Variants in NPAS2 observed in about 807,000 individuals in gnomAD.
NPAS2 encodes neuronal PAS domain protein 2.
A neutral mutation model predicts 107.5 loss-of-function variants in NPAS2; 23 were observed. The observed-to-expected ratio is 0.21, with a 90% CI of 0.15 to 0.30. NPAS2 has a LOEUF of 0.30. Ranked by LOEUF, NPAS2 falls within the 10% of genes least tolerant of loss-of-function variation. The probability of loss-of-function intolerance (pLI) is 1.00; values close to 1 mark genes in which losing one functional copy is unlikely to be tolerated. For missense variants in NPAS2, 756 were observed against 1,043.3 expected, an observed-to-expected ratio of 0.72 and a Z score of 3.79; for synonymous variants, 403 against 417.5, an observed-to-expected ratio of 0.97 and a Z score of 0.42.
chr2:100,985,706 T>G (rs1677740809), intron 16 of NPAS2: 1 of 152,236 alleles, frequency 6.6e-6, no homozygotes, highest in African/African-American at 2.4e-5. Flanking sequence ...TCTCAGGTCA[T>G]TTATATGCAT....
intron 2 of NPAS2, among the ~76,000 whole-genome samples, chr2:100,907,134 C>G (rs1016676674): frequency 8.5e-5 from 13 of 152,148 alleles, no homozygotes; most frequent in African/African-American, 3.1e-4. Flanking sequence ...ATCCCTGCCT[C>G]TCTCCTGCAC....
intron 16 of NPAS2, 50 bp from the exon 17 acceptor site, chr2:100,988,029 G>T: frequency 6.3e-7 from 1 of 1,595,534 alleles, no homozygotes. Context: ...GTGCACACTG[G>T]TGAGGTACCC....
chr2:100,852,124 C>T lies in NPAS2; in HGVS notation c.-23+31710C>T, dbSNP rs185927460. ...GCAAATAAAAGTTTTTGGCCGGGCA[C>T]GGTGGCTCCTGCCTGTAATCCCAGC... On this transcript the variant is annotated intron_variant, in intron 1 of 20. Coordinates refer to ENST00000335681, the MANE Select transcript of NPAS2 (RefSeq NM_002518.4). 6.4e-4 allele frequency among the ~76,000 whole-genome samples: 97 copies of T among 152,242 alleles called. No individual in the cohort carries two copies. The East Asian group carries it at 0.01, about 16-fold the overall frequency.
intron 7 of NPAS2, among the ~76,000 whole-genome samples, chr2:100,955,984 A>G (rs1675545847): frequency 6.6e-6 from 1 of 152,012 alleles, no homozygotes; most frequent in Non-Finnish European, 1.5e-5. Context: ...GGTTCGCTGT[A>G]GCCACCACCT....
At chr2:100,952,927 T>C (rs947661935) in intron 7 of NPAS2, among the ~76,000 whole-genome samples, 1 of 147,148 alleles carries the variant, frequency 6.8e-6, no homozygotes, top group African/African-American at 2.5e-5. Context: ...AAAGAAAGAG[T>C]GCGGAGTGTC....
chr2:100,948,712 T>C (rs1675048539), intron 6 of NPAS2, among the ~76,000 whole-genome samples: 1 of 152,214 alleles, frequency 6.6e-6, no homozygotes, highest in Admixed American at 6.5e-5. Flanking sequence ...AGATACTAAA[T>C]TCATATAATA....
chr2:100,904,508 A>AC, intron 1 of NPAS2, among the ~76,000 whole-genome samples: 1 of 30,906 alleles, frequency 3.2e-5, no homozygotes, highest in East Asian at 3.5e-4. Flanking sequence ...ATGCCCAATG[A>AC]AAGAGTGCCT....
rs1431528546 is a variant in NPAS2, at chr2:100,856,533, GAA to G, written c.-23+36122_-23+36123del. 3.3e-5 allele frequency among the ~76,000 whole-genome samples: 5 copies of G among 152,260 alleles called. No individual in the cohort carries two copies. The East Asian group carries it at 9.7e-4, about 29-fold the overall frequency. On this transcript the variant is annotated intron_variant, in intron 1 of 20. Transcript: ENST00000335681. ...TAGTAAAGACTCAGGGTAAAGAAAA[GAA>G]AATATTTTTCATTCAGACTTTGAAA...
Position 100,964,051 on chromosome 2 carries a change from C to T in NPAS2, c.599-7C>T, listed in dbSNP as rs2105150681. 2 of 1,592,614 alleles carry T rather than the reference C, an allele frequency of 1.3e-6. No individual in the cohort carries two copies. The highest frequency in any genetic ancestry group is 1.1e-5 in the South Asian group (1 of 90,626). ...ACCTATGTGTCCTCTTCTTCCCAAC[C>T]CCCCAGTGCCTAGCCCCTCCTGTAA... On this transcript the variant is annotated splice_polypyrimidine_tract_variant and splice_region_variant and intron_variant, in intron 7 of 20. Transcript: ENST00000335681.
intron 1 of NPAS2, among the ~76,000 whole-genome samples, chr2:100,882,092 C>T (rs1488556607): frequency 1.3e-5 from 2 of 152,168 alleles, no homozygotes; most frequent in African/African-American, 2.4e-5. Flanking sequence ...TTTCTTTTTT[C>T]ATTCTTTGTT....
At chr2:100,964,252 C>G in intron 8 of NPAS2, 76 bp downstream of exon 8, 2 of 990,764 alleles carry the variant, frequency 2.0e-6, no homozygotes, top group Non-Finnish European at 1.6e-6. Flanking sequence ...AATTAATGGT[C>G]TTTTGGGAGG....
intron 1 of NPAS2, among the ~76,000 whole-genome samples, chr2:100,848,084 T>C (rs1379176507): frequency 6.6e-6 from 1 of 152,210 alleles, no homozygotes; most frequent in Non-Finnish European, 1.5e-5. Context: ...TTCAAGGGCT[T>C]TCCCCTTAAA....
At chr2:100,919,781 G>A (rs1386527946) in intron 2 of NPAS2, among the ~76,000 whole-genome samples, 1 of 152,090 alleles carries the variant, frequency 6.6e-6, no homozygotes, top group Non-Finnish European at 1.5e-5. Context: ...CCCCTGGGCT[G>A]TCCTCTCCAC....
chr2:100,958,557 G>A (rs1675715826), intron 7 of NPAS2, among the ~76,000 whole-genome samples: 2 of 152,162 alleles, frequency 1.3e-5, no homozygotes, highest in South Asian at 4.1e-4. Context: ...GATCGCAGGG[G>A]AGTTAAAATC....
At chr2:100,946,871 C>T (rs1381264498) in intron 5 of NPAS2, among the ~76,000 whole-genome samples, 3 of 151,956 alleles carry the variant, frequency 2.0e-5, no homozygotes, top group South Asian at 4.2e-4. Flanking sequence ...AGGGTAAGGA[C>T]GAGAAGGAGA....
intron 1 of NPAS2, among the ~76,000 whole-genome samples, chr2:100,830,359 C>T (rs1676653396): frequency 6.6e-6 from 1 of 152,118 alleles, no homozygotes; most frequent in Non-Finnish European, 1.5e-5. Flanking sequence ...TTCTAGGGTA[C>T]ATGTGCACAA....
chr2:100,866,489 C>CA (rs1273512532), intron 1 of NPAS2, among the ~76,000 whole-genome samples: 3 of 152,142 alleles, frequency 2.0e-5, no homozygotes, highest in African/African-American at 7.2e-5. Flanking sequence ...ATCAGGAGCA[C>CA]AAAAAAGCAA....
chr2:100,873,251 C>CAAA, intron 1 of NPAS2, among the ~76,000 whole-genome samples: 1 of 58,908 alleles, frequency 1.7e-5, no homozygotes, highest in Non-Finnish European at 2.9e-5. Context: ...GACTTCATCT[C>CAAA]AAAAAAAAAA....
chr2:100,989,751 G>C (rs2105316204), intron 17 of NPAS2: 1 of 152,850 alleles, frequency 6.5e-6, no homozygotes, highest in Non-Finnish European at 1.5e-5. Context: ...GAAAATTATA[G>C]TATGTGCAAT....
Sources: gnomAD v4.1 joint callset for allele counts (sites outside exome capture counted in the v4.1 genomes callset) on GRCh38, gnomAD v4.1.1 for gene constraint, MANE v1.5 for transcripts, NCBI Gene and HGNC (gene_info 2026-07-23, HGNC 2026-07-21) for gene names.